CDKL1: variants seen among roughly 807,000 people sequenced by gnomAD.
The protein encoded by CDKL1 is cyclin-dependent kinase-like 1.
A neutral mutation model predicts 42.0 loss-of-function variants in CDKL1; 41 were observed. The observed-to-expected ratio is 0.98, with a 90% CI of 0.76 to 1.27. CDKL1 has a LOEUF of 1.27. CDKL1 is among the 50% of genes most tolerant of loss of function. The pLI, the probability that CDKL1 is intolerant of heterozygous loss-of-function variation, is 0.00. For synonymous variants in CDKL1, 153 were observed against 158.6 expected, an observed-to-expected ratio of 0.96 and a Z score of 0.26; for missense variants, 394 against 428.4, an observed-to-expected ratio of 0.92 and a Z score of 0.71.
At chr14:50,358,317 C>T (rs2034121805) in intron 3 of CDKL1, among the ~76,000 whole-genome samples, 2 of 152,184 alleles carry the variant, frequency 1.3e-5, no homozygotes, top group Non-Finnish European at 1.5e-5. Context: ...GGATTGCTTC[C>T]AGTGAAATAC....
At chr14:50,379,991 G>T in intron 2 of CDKL1, 2 of 408,812 alleles carry the variant, frequency 4.9e-6, no homozygotes, top group South Asian at 3.6e-5. Context: ...CCTCAGGTTA[G>T]AGCACCGTTT....
At chr14:50,382,320 G>C (rs1360258479) in intron 2 of CDKL1, among the ~76,000 whole-genome samples, 1 of 152,154 alleles carries the variant, frequency 6.6e-6, no homozygotes, top group Non-Finnish European at 1.5e-5. Context: ...AGGCGTGGTA[G>C]CGGGCGCCTG....
chr14:50,360,177 T>G (rs1321622758), intron 2 of CDKL1, among the ~76,000 whole-genome samples: 1 of 152,182 alleles, frequency 6.6e-6, no homozygotes, highest in East Asian at 1.9e-4. Context: ...CGCATTAACT[T>G]TCCGCCCTGA....
intron 3 of CDKL1, chr14:50,358,182 G>T: frequency 7.8e-7 from 1 of 1,285,836 alleles, no homozygotes; most frequent in Non-Finnish European, 1.0e-6. Context: ...CGGAGCCCCC[G>T]GAGTCACTCC....
chr14:50,332,279 A>T lies in CDKL1; in HGVS notation c.949T>A (p.Phe317Ile), dbSNP rs1483342415. ...TLRKSRKHHC[F>I]TETSKLQYLP... The stretch of plus-strand genomic sequence containing the variant: ...ATTATAACCTTGGATGTTTCTGTAA[A>T]GCAGTGGTGCTTTCGGCTCTTTCTT... Residue 317 changes from phenylalanine (F) to isoleucine (I), a missense_variant, in exon 9 of 10, where the codon TTT (phenylalanine) becomes ATT (isoleucine). Transcript: ENST00000395834. The T allele has an allele frequency of 6.2e-7, 1 of 1,614,008 alleles. No homozygotes were observed. The highest frequency in any genetic ancestry group is 8.5e-7 in the Non-Finnish European group (1 of 1,180,022).
chr14:50,362,698 G>A (rs2034303899), intron 2 of CDKL1, among the ~76,000 whole-genome samples: 1 of 152,084 alleles, frequency 6.6e-6, no homozygotes, highest in African/African-American at 2.4e-5. Context: ...TAATCTAGTG[G>A]GGACGTGGAG....
intron 2 of CDKL1, among the ~76,000 whole-genome samples, chr14:50,361,339 C>T (rs1441387097): frequency 6.6e-6 from 1 of 152,182 alleles, no homozygotes; most frequent in Non-Finnish European, 1.5e-5. Flanking sequence ...ATTCCTGCTC[C>T]AGATATTATA....
Position 50,359,120 on chromosome 14 carries a change from G to A in CDKL1, c.198C>T (p.Leu66=). 3.7e-6 allele frequency: 6 copies of A among 1,612,416 alleles called. No homozygotes were observed. The highest frequency in any genetic ancestry group is 5.1e-6 in the Non-Finnish European group (6 of 1,178,772). ...TCCGTTTCCTCCTGAAGACTTCCAG[G>A]AGGTTAACAAGGTTGGGATGCTTGA... The part of the protein sequence containing the change: ...KQLKHPNLVN[L]LEVFRRKRRL... Residue 66 remains leucine, a synonymous_variant, in exon 3 of 10, where the codon CTC becomes CTT. Coordinates refer to ENST00000395834, the MANE Select transcript of CDKL1 (RefSeq NM_004196.7).
rs2035132117 is a variant in CDKL1 at position 50,387,837 on chromosome 14, T to C, written c.168+7864A>G. 2.0e-5 allele frequency among the ~76,000 whole-genome samples: 3 copies of C among 152,202 alleles called. No individual in the cohort carries two copies. The South Asian group carries it at 6.2e-4, about 31-fold the overall frequency. ...AGAGGGAGCCTAGAATGACCCCTAT[T>C]AGCAAAAGCAGGATGAAATTCTTAA... On this transcript the variant is annotated intron_variant, in intron 2 of 9. Coordinates refer to ENST00000395834, the MANE Select transcript of CDKL1 (RefSeq NM_004196.7).
intron 3 of CDKL1, 122 bp from the exon 4 acceptor site, chr14:50,345,180 T>C: frequency 1.3e-6 from 1 of 750,088 alleles, no homozygotes; most frequent in Admixed American, 2.8e-5. Flanking sequence ...CACATAGTCA[T>C]CTTACTCATC....
At chr14:50,389,059 A>G (rs1193843119) in intron 2 of CDKL1, among the ~76,000 whole-genome samples, 2 of 136,142 alleles carry the variant, frequency 1.5e-5, no homozygotes, top group Non-Finnish European at 3.1e-5. Flanking sequence ...AGATTGCGCT[A>G]TTGCACTCCA....
intron 2 of CDKL1, among the ~76,000 whole-genome samples, chr14:50,384,820 C>T (rs1232250659): frequency 6.6e-6 from 1 of 151,802 alleles, no homozygotes; most frequent in Admixed American, 6.6e-5. Flanking sequence ...CCTGTAATCC[C>T]AGCACTTTAG....
chr14:50,396,275 T>C lies in CDKL1; in HGVS notation c.-407A>G, dbSNP rs4901030. The stretch of plus-strand genomic sequence containing the variant: ...TTTGAAAACGTCGCTTATAAAATAT[T>C]GGCACCAACGGACTGCACTAGAGCC... On this transcript the variant is annotated 5_prime_UTR_variant, in exon 2 of 10. Coordinates refer to ENST00000395834, the MANE Select transcript of CDKL1 (RefSeq NM_004196.7). The C allele has an allele frequency of 0.49, 497,022 of 1,023,052 alleles. 121,480 individuals carry two copies. The highest frequency in any genetic ancestry group is 0.69 in the East Asian group (6,902 of 10,018). The allele number at this position is 1,023,052 out of a possible 1,614,324, so 63.4% of individuals were successfully genotyped here.
intron 2 of CDKL1, among the ~76,000 whole-genome samples, chr14:50,361,770 T>G (rs150976015): frequency 1.2e-4 from 19 of 152,290 alleles, no homozygotes; most frequent in African/African-American, 4.3e-4. Context: ...TTAATCACCT[T>G]TGTGAGAGGT....
At position 50,345,053 on chromosome 14, in the gene CDKL1, G is replaced by C. The variant is rs1224028163; in HGVS notation, c.296C>G (p.Pro99Arg). The change falls in exon 4 of 10, where the codon CCA (proline) becomes CGA (arginine). Residue 99 changes from proline (P) to arginine (R), a missense_variant. By Grantham distance (103) the Pro-to-Arg change is moderately radical. Transcript: ENST00000395834. ...AGTTATGCTCTTCACGAGATGTTCT[G>C]GTACCCTAATAAAAATAAAGCAGCA... ...HELDRYQRGV[P>R]EHLVKSITWQ... 4 of 1,613,554 alleles carry C rather than the reference G, an allele frequency of 2.5e-6. No individual in the cohort carries two copies. Among genetic ancestry groups the C allele is most frequent in the Non-Finnish European group, 3.4e-6 (4 of 1,179,752 alleles).
At chr14:50,342,772 A>T in intron 4 of CDKL1, 1 of 794,102 alleles carries the variant, frequency 1.3e-6, no homozygotes, top group Non-Finnish European at 1.7e-6. Context: ...TCAGCCTCGT[A>T]AACAGGACAA....
intron 3 of CDKL1, among the ~76,000 whole-genome samples, chr14:50,349,850 C>A (rs1293337587): frequency 6.6e-6 from 1 of 152,146 alleles, no homozygotes; most frequent in Non-Finnish European, 1.5e-5. Context: ...CTCACTGCAA[C>A]TTTCTCCTTC....
At chr14:50,396,433 G>T (rs539462459) in intron 1 of CDKL1, 104 bp from the exon 2 acceptor site, 4 of 985,356 alleles carry the variant, frequency 4.1e-6, no homozygotes, top group Non-Finnish European at 4.8e-6. Flanking sequence ...CCAGTAACCC[G>T]ATTTTAATCG....
chr14:50,383,218 T>C (rs796114654), intron 2 of CDKL1, among the ~76,000 whole-genome samples: 104 of 150,954 alleles, frequency 6.9e-4, no homozygotes, highest in Non-Finnish European at 2.1e-4. Flanking sequence ...TGAGCCACCA[T>C]GTCTGGCCGG....
Sources: allele counts gnomAD v4.1 joint callset (sites outside exome capture counted in the v4.1 genomes callset), GRCh38; gene constraint gnomAD v4.1.1; transcripts MANE v1.5; gene names NCBI Gene and HGNC (gene_info 2026-07-23, HGNC 2026-07-21).